ARMC3: variants seen among roughly 807,000 people sequenced by gnomAD.
ARMC3 encodes the protein armadillo repeat containing 3, also known as armadillo repeat-containing protein 3.
Under a neutral mutation model 90.3 loss-of-function variants are expected in ARMC3, and 74 were observed. The ratio of observed to expected loss-of-function variants is 0.82; its 90% CI spans 0.68 to 0.99. The LOEUF (loss-of-function observed/expected upper bound fraction) is 0.99. ARMC3 is among the 50% of genes least tolerant of loss of function. ARMC3 has a pLI of 0.00. For missense variants in ARMC3, 958 were observed against 1,042.8 expected (o/e 0.92, Z 1.12); for synonymous variants, 334 against 361.8 (o/e 0.92, Z 0.87).
chr10:22,959,606 A>G (rs2131251304), intron 6 of ARMC3, 32 bp downstream of exon 6: 5 of 1,549,014 alleles, frequency 3.2e-6, no homozygotes, highest in Non-Finnish European at 3.5e-6. Context: ...CGTTCTGATG[A>G]AAGCTCATTT....
intron 16 of ARMC3, among the ~76,000 whole-genome samples, chr10:23,030,133 C>T (rs552033064): frequency 6.6e-6 from 1 of 152,180 alleles, no homozygotes; most frequent in Admixed American, 6.5e-5. Flanking sequence ...ATTAGTTTGT[C>T]CTGCCTAATA....
rs554359046 is a variant in ARMC3, at chr10:23,037,609, C to A, written c.*130C>A. 1.1e-6 allele frequency: 1 copy of A among 890,600 alleles called. No individual in the cohort carries two copies. The highest frequency in any genetic ancestry group is 1.6e-6 in the Non-Finnish European group (1 of 636,348). 55.2% of individuals were successfully genotyped at this position (890,600 alleles called of 1,614,324 possible). ...AAAAGTATTAGAAATGTTTTCTCTG[C>A]GTAGAAATTAGGAAGCTTGGAGTGA... is the stretch of plus-strand genomic sequence containing the variant. On this transcript the variant is annotated 3_prime_UTR_variant, in exon 19 of 19. Coordinates refer to ENST00000298032, the MANE Select transcript of ARMC3 (RefSeq NM_173081.5).
chr10:23,030,587 C>T lies in ARMC3; in HGVS notation c.2046-9C>T, dbSNP rs1298342684. 2 of 1,606,864 alleles carry T rather than the reference C, an allele frequency of 1.2e-6. No homozygotes were observed. Among genetic ancestry groups the T allele is most frequent in the African/African-American group, 1.3e-5 (1 of 74,520 alleles). On this transcript the variant is annotated splice_polypyrimidine_tract_variant and intron_variant, in intron 16 of 18. Coordinates refer to ENST00000298032, the MANE Select transcript of ARMC3 (RefSeq NM_173081.5). The stretch of plus-strand genomic sequence containing the variant: ...ATGTGATTTTGATTGCCCTTGTTTA[C>T]TTTCAAAGGAAAAGCAAAGGAAAAA...
intron 12 of ARMC3, among the ~76,000 whole-genome samples, chr10:23,002,794 G>A (rs771317962): frequency 4.6e-5 from 7 of 151,918 alleles, no homozygotes; most frequent in South Asian, 2.1e-4. Context: ...GGCTGGTCTC[G>A]AACTCCTGAC....
At chr10:23,012,828 T>C (rs1838078006) in intron 16 of ARMC3, among the ~76,000 whole-genome samples, 1 of 151,998 alleles carries the variant, frequency 6.6e-6, no homozygotes, top group Admixed American at 6.5e-5. Flanking sequence ...CCTCCCACTT[T>C]CGCATAGCCC....
intron 10 of ARMC3, among the ~76,000 whole-genome samples, chr10:22,993,981 G>A (rs1393688638): frequency 6.6e-6 from 1 of 152,164 alleles, no homozygotes; most frequent in Non-Finnish European, 1.5e-5. Flanking sequence ...TGAAAAATCT[G>A]CTGAATTCCA....
At chr10:22,971,780 C>T (rs1454157596) in intron 8 of ARMC3, among the ~76,000 whole-genome samples, 1 of 152,062 alleles carries the variant, frequency 6.6e-6, no homozygotes, top group Non-Finnish European at 1.5e-5. Context: ...ATATTGTTTT[C>T]TGTAGCAGCT....
At chr10:22,969,294 A>G (rs143774391) in intron 8 of ARMC3, among the ~76,000 whole-genome samples, 178 of 152,316 alleles carry the variant, frequency 1.2e-3, no homozygotes, top group African/African-American at 4.2e-3. Context: ...GCACAGATGA[A>G]ATTATAGTTT....
In ARMC3 at chr10:23,003,175, G is replaced by A. The variant is rs529386362; in HGVS notation, c.1563-71G>A. On this transcript the variant is annotated intron_variant, in intron 12 of 18. Transcript: ENST00000298032. ...CATTCTTCCTTCAGGATCTGAAGTCGGTATATAAGTGGAGACTCAGTATTG... is the reference window on the plus strand; with the variant it reads ...CATTCTTCCTTCAGGATCTGAAGTCAGTATATAAGTGGAGACTCAGTATTG... The A allele has an allele frequency of 1.3e-4, 178 of 1,370,102 alleles. 1 individual carries two copies. Among genetic ancestry groups the A allele is most frequent in the Non-Finnish European group, 1.7e-4 (168 of 1,015,116 alleles). The allele number at this position is 1,370,102 out of a possible 1,614,324, so 84.9% of individuals were successfully genotyped here. A position where few individuals can be genotyped will look rare whatever the true frequency, so the allele number is the denominator to read the frequency against.
chr10:22,994,912 G>GT (rs1044617061), intron 10 of ARMC3, among the ~76,000 whole-genome samples: 1 of 152,136 alleles, frequency 6.6e-6, no homozygotes, highest in Non-Finnish European at 1.5e-5. Context: ...TCCCATATTT[G>GT]TTTTTTAGTT....
At chr10:22,937,651 C>A (rs1425268143) in intron 2 of ARMC3, among the ~76,000 whole-genome samples, 2 of 152,170 alleles carry the variant, frequency 1.3e-5, no homozygotes, top group African/African-American at 4.8e-5. Flanking sequence ...TATGATTTCA[C>A]ATAGAGAATG....
intron 3 of ARMC3, among the ~76,000 whole-genome samples, chr10:22,954,754 A>G (rs933655746): frequency 2.1e-4 from 32 of 152,100 alleles, no homozygotes; most frequent in African/African-American, 7.2e-4. Context: ...TGTTTTCTCT[A>G]TTATTACAGT....
intron 16 of ARMC3, among the ~76,000 whole-genome samples, chr10:23,011,735 G>A (rs1309981986): frequency 3.7e-4 from 57 of 152,006 alleles, no homozygotes; most frequent in Non-Finnish European, 5.9e-5. Flanking sequence ...GTTTGCTAAG[G>A]GACCAAATCT....
In ARMC3 at chr10:23,037,630, A is replaced by T. The variant is rs546439016; in HGVS notation, c.*151A>T. The T allele has an allele frequency of 1.9e-4, 146 of 778,174 alleles. No individual in the cohort carries two copies. In the African/African-American group the frequency reaches 2.5e-3, roughly 13 times the overall value. The allele number at this position is 778,174 out of a possible 1,614,324, so 48.2% of individuals were successfully genotyped here. ...TCTGCGTAGAAATTAGGAAGCTTGG[A>T]GTGAACTTTGCTGTGCTTCTGATTT... On this transcript the variant is annotated 3_prime_UTR_variant, in exon 19 of 19. Transcript: ENST00000298032.
chr10:23,018,514 ATTT>A (rs5783816), intron 16 of ARMC3, among the ~76,000 whole-genome samples: 2 of 115,482 alleles, frequency 1.7e-5, no homozygotes, highest in African/African-American at 3.5e-5. Flanking sequence ...CACCTTAGTA[ATTT>A]TTTTTTTTTT....
intron 11 of ARMC3, among the ~76,000 whole-genome samples, chr10:23,000,921 T>C (rs1837254418): frequency 6.6e-6 from 1 of 151,718 alleles, no homozygotes; most frequent in African/African-American, 2.4e-5. Context: ...TGCCCAATCT[T>C]TTTTTTTTCT....
intron 8 of ARMC3, among the ~76,000 whole-genome samples, chr10:22,972,025 A>AT (rs1564362954): frequency 6.6e-6 from 1 of 152,080 alleles, no homozygotes; most frequent in East Asian, 1.9e-4. Context: ...TCCTTCTCCC[A>AT]TTTTTTGATT....
At chr10:22,980,799 A>C (rs1470053413) in intron 8 of ARMC3, among the ~76,000 whole-genome samples, 2 of 152,140 alleles carry the variant, frequency 1.3e-5, no homozygotes, top group African/African-American at 4.8e-5. Context: ...TTTGAGAAAA[A>C]AATGATTATA....
intron 7 of ARMC3, among the ~76,000 whole-genome samples, chr10:22,964,556 A>G (rs1835366719): frequency 4.0e-5 from 6 of 150,958 alleles, no homozygotes; most frequent in Admixed American, 4.0e-4. Flanking sequence ...TTTCCTACTC[A>G]GCCTCCCAAC....
Sources: gnomAD v4.1 joint callset for allele counts (sites outside exome capture counted in the v4.1 genomes callset) on GRCh38, gnomAD v4.1.1 for gene constraint, MANE v1.5 for transcripts, NCBI Gene and HGNC (gene_info 2026-07-23, HGNC 2026-07-21) for gene names.